The following SLIT2 variants were observed in gnomAD, a reference collection of about 807,000 sequenced individuals.
SLIT2 encodes slit guidance ligand 2.
In SLIT2, 41 loss-of-function variants were observed where a neutral mutation model predicts 185.7. That is an observed-to-expected ratio of 0.22 (90% CI 0.17 to 0.29). The LOEUF is 0.29. SLIT2 is among the 10% of genes least tolerant of loss of function. SLIT2 has a pLI of 1.00. For missense variants in SLIT2, 1,571 were observed against 1,909.0 expected (o/e 0.82, Z 3.30); for synonymous variants, 693 against 680.2 (o/e 1.02, Z -0.29).
At chr4:20,560,094 G>A (rs1197696081) in intron 26 of SLIT2, among the ~76,000 whole-genome samples, 2 of 151,660 alleles carry the variant, frequency 1.3e-5, no homozygotes, top group African/African-American at 4.8e-5. Flanking sequence ...TTATAATTGA[G>A]GTTTACATAT....
At chr4:20,581,504 A>G (rs1188652924) in intron 29 of SLIT2, among the ~76,000 whole-genome samples, 2 of 152,138 alleles carry the variant, frequency 1.3e-5, no homozygotes, top group African/African-American at 4.8e-5. Flanking sequence ...CATGTCACCA[A>G]AAGGTAATTC....
intron 4 of SLIT2, among the ~76,000 whole-genome samples, chr4:20,353,806 A>G (rs1008558669): frequency 6.6e-6 from 1 of 152,214 alleles, no homozygotes; most frequent in Non-Finnish European, 1.5e-5. Context: ...TCCTTAAATG[A>G]GGAAACTAGA....
chr4:20,377,312 G>C (rs756168570), intron 4 of SLIT2, among the ~76,000 whole-genome samples: 5 of 152,064 alleles, frequency 3.3e-5, no homozygotes, highest in Non-Finnish European at 5.9e-5. Context: ...GAAACTTACT[G>C]AAAGTGAATA....
At chr4:20,460,412 A>G (rs899544362) in intron 4 of SLIT2, among the ~76,000 whole-genome samples, 1 of 152,218 alleles carries the variant, frequency 6.6e-6, no homozygotes, top group African/African-American at 2.4e-5. Flanking sequence ...TGAAGTATAT[A>G]TGCATTGTGG....
chr4:20,446,816 A>C (rs1711856209), intron 4 of SLIT2, among the ~76,000 whole-genome samples: 1 of 152,240 alleles, frequency 6.6e-6, no homozygotes, highest in Admixed American at 6.5e-5. Context: ...AACTTCATCA[A>C]AATAGATAGA....
chr4:20,521,131 C>A (rs16869701), intron 12 of SLIT2, among the ~76,000 whole-genome samples: 2,829 of 152,252 alleles, frequency 0.019, 51 homozygotes, highest in East Asian at 0.074. Flanking sequence ...ACTACAAATA[C>A]GTGAAGTGTC....
intron 9 of SLIT2, among the ~76,000 whole-genome samples, chr4:20,502,175 ATTAG>A (rs1202418987): frequency 6.6e-6 from 1 of 152,212 alleles, no homozygotes. Flanking sequence ...CTTTTGTAAT[ATTAG>A]TTGAGAAGTA....
chr4:20,619,165 G>GT lies in SLIT2; in HGVS notation c.*156_*157insT. 4 of 690,908 alleles carry GT rather than the reference G, an allele frequency of 5.8e-6. No homozygotes were observed. The highest frequency in any genetic ancestry group is 6.4e-6 in the Non-Finnish European group (3 of 467,604). The allele number at this position is 690,908 out of a possible 1,614,324, so 42.8% of individuals were successfully genotyped here. A position where few individuals can be genotyped will look rare whatever the true frequency, so the allele number is the denominator to read the frequency against. ...GAATAAAGACTTTTTTTCTGCATTT[G>GT]GAAAAAAAAAAAAAGAAATGCTTGA... is the stretch of plus-strand genomic sequence containing the variant. On this transcript the variant is annotated 3_prime_UTR_variant, in exon 37 of 37. Transcript: ENST00000504154.
intron 18 of SLIT2, among the ~76,000 whole-genome samples, chr4:20,536,574 A>AC (rs993627145): frequency 1.4e-4 from 21 of 149,136 alleles, no homozygotes; most frequent in Admixed American, 2.7e-4. Context: ...AAAAAAAAAA[A>AC]AAAAACAAAA....
At chr4:20,278,744 T>C (rs551339459) in intron 4 of SLIT2, among the ~76,000 whole-genome samples, 1 of 149,240 alleles carries the variant, frequency 6.7e-6, no homozygotes, top group Non-Finnish European at 1.5e-5. Flanking sequence ...ATAGCCAGGG[T>C]ATTCTAAATG....
chr4:20,381,718 G>T (rs962131603), intron 4 of SLIT2, among the ~76,000 whole-genome samples: 3 of 151,968 alleles, frequency 2.0e-5, no homozygotes, highest in African/African-American at 4.8e-5. Flanking sequence ...AAACTTCAAG[G>T]CTGTATGTCT....
Position 20,251,909 on chromosome 4 carries a change from G to C in SLIT2, c.-1907G>C, listed in dbSNP as rs1722067115. 6.6e-6 allele frequency among the ~76,000 whole-genome samples: 1 copy of C among 152,118 alleles called. No individual in the cohort carries two copies. Among genetic ancestry groups the C allele is most frequent in the Non-Finnish European group, 1.5e-5 (1 of 68,012 alleles). On this transcript the variant is annotated 5_prime_UTR_variant, in exon 1 of 37. Coordinates refer to ENST00000504154, the MANE Select transcript of SLIT2 (RefSeq NM_004787.4). ...CCCGCGCCGGCTCAACTTCGGACTTGGTGTTATTTATTTGGGAAGCGCCCG... is the reference window on the plus strand; with the variant it reads ...CCCGCGCCGGCTCAACTTCGGACTTCGTGTTATTTATTTGGGAAGCGCCCG...
At chr4:20,535,950 G>A (rs889245360) in intron 18 of SLIT2, among the ~76,000 whole-genome samples, 1 of 152,056 alleles carries the variant, frequency 6.6e-6, no homozygotes, top group African/African-American at 2.4e-5. Flanking sequence ...AGATGATATG[G>A]CCTACCACAT....
At position 20,539,371 on chromosome 4, in the gene SLIT2, G is replaced by C. The variant is rs1032881052; in HGVS notation, c.1833-70G>C. On this transcript the variant is annotated intron_variant, in intron 18 of 36. Transcript: ENST00000504154. ...GCTACATATTTGCAAGGATCATTTC[G>C]ATCCTCAGATAGGCAAAATTGATTG... is the stretch of plus-strand genomic sequence containing the variant. 4.3e-6 allele frequency: 6 copies of C among 1,404,108 alleles called. No individual in the cohort carries two copies. In the African/African-American group the frequency reaches 7.4e-5, roughly 17 times the overall value. The allele number at this position is 1,404,108 out of a possible 1,614,324, so 87.0% of individuals were successfully genotyped here.
chr4:20,509,162 C>CAT lies in SLIT2; in HGVS notation c.915-1323_915-1322dup, dbSNP rs562214729. Among the ~76,000 whole-genome samples, 67 of 150,684 alleles carry CAT rather than the reference C, an allele frequency of 4.4e-4. No individual in the cohort carries two copies. In the East Asian group the frequency reaches 6.4e-3, roughly 14 times the overall value. On this transcript the variant is annotated intron_variant, in intron 9 of 36. Transcript: ENST00000504154. ...AAATATATACACATATGTATACATACATATATATATAATATATATGCATAT... is the reference window on the plus strand; with the variant it reads ...AAATATATACACATATGTATACATACATATATATATATAATATATATGCATAT...
chr4:20,403,925 A>G (rs1439907962), intron 4 of SLIT2, among the ~76,000 whole-genome samples: 1 of 151,632 alleles, frequency 6.6e-6, no homozygotes, highest in Non-Finnish European at 1.5e-5. Flanking sequence ...AAAAGCAAAC[A>G]CCCATAAGTT....
At chr4:20,367,925 C>T (rs974175280) in intron 4 of SLIT2, among the ~76,000 whole-genome samples, 21 of 152,074 alleles carry the variant, frequency 1.4e-4, no homozygotes, top group Non-Finnish European at 2.8e-4. Flanking sequence ...AGTCAGCCTT[C>T]GTTGGAAGAG....
rs7685284 is a variant in SLIT2, at chr4:20,254,249, T to G, written c.179+255T>G. Among the ~76,000 whole-genome samples, 116,066 of 152,100 alleles carry G rather than the reference T, an allele frequency of 0.76. 44,559 individuals carry two copies. Among genetic ancestry groups the G allele is most frequent in the East Asian group, 0.95 (4,889 of 5,126 alleles). On this transcript the variant is annotated intron_variant, in intron 1 of 36. Transcript: ENST00000504154. The surrounding 1 kb of genome is among the most constrained non-coding windows in gnomAD (Gnocchi z 5.1). Reference sequence around the variant, plus strand: ...CGTCCCGCCACTCGCAGCTCCTTGCTGGCTAGTTCTCTGGGGCTGGGGAGC... The same window carrying G: ...CGTCCCGCCACTCGCAGCTCCTTGCGGGCTAGTTCTCTGGGGCTGGGGAGC...
At chr4:20,614,455 C>T (rs1729482620) in intron 34 of SLIT2, among the ~76,000 whole-genome samples, 1 of 151,918 alleles carries the variant, frequency 6.6e-6, no homozygotes. Flanking sequence ...TCCAACTAGG[C>T]CAATAGCATA....
Sources: gnomAD v4.1 joint callset for allele counts (sites outside exome capture counted in the v4.1 genomes callset) on GRCh38, gnomAD v4.1.1 for gene constraint, Gnocchi (gnomAD v3.1) non-coding constraint, MANE v1.5 for transcripts, NCBI Gene and HGNC (gene_info 2026-07-23, HGNC 2026-07-21) for gene names.